Variants in KDM4C observed in about 807,000 individuals in gnomAD.
KDM4C encodes lysine demethylase 4C.
KDM4C carries 81 observed loss-of-function variants against 129.3 expected under a neutral mutation model. That is an observed-to-expected ratio of 0.63 (90% CI 0.52 to 0.75). The LOEUF is 0.75. KDM4C is among the 30% of genes least tolerant of loss of function. The probability of loss-of-function intolerance (pLI) is 0.00; values close to 1 mark genes in which losing one functional copy is unlikely to be tolerated. For missense variants in KDM4C, 1,457 were observed against 1,304.0 expected (o/e 1.12, Z -1.81); for synonymous variants, 573 against 456.1 (o/e 1.26, Z -3.26).
chr9:6,721,905 A>G (rs1410060965), intron 1 of KDM4C, among the ~76,000 whole-genome samples: 1 of 151,734 alleles, frequency 6.6e-6, no homozygotes, highest in African/African-American at 2.4e-5. Flanking sequence ...TAATTTTTGT[A>G]GAGATTGGGT....
At chr9:6,994,968 A>G (rs1350114885) in intron 12 of KDM4C, among the ~76,000 whole-genome samples, 2 of 152,052 alleles carry the variant, frequency 1.3e-5, no homozygotes, top group Admixed American at 6.5e-5. Flanking sequence ...GAGCTGTGAC[A>G]TTACGTTGGG....
intron 17 of KDM4C, chr9:7,076,638 G>T (rs575504927): frequency 7.5e-7 from 1 of 1,336,310 alleles, no homozygotes; most frequent in Non-Finnish European, 9.6e-7. Context: ...TCAGACCCTG[G>T]ACTTTCCCTT....
In KDM4C at chr9:6,851,548, A is replaced by T. The variant is rs866025714; in HGVS notation, c.629+1848A>T. On this transcript the variant is annotated intron_variant, in intron 5 of 21. Coordinates refer to ENST00000381309, the MANE Select transcript of KDM4C (RefSeq NM_015061.6). The stretch of plus-strand genomic sequence containing the variant: ...TGGGTGAATTCAACATGTTAATAAA[A>T]TCTAGTATGTAGGCAACTACATACT... Among the ~76,000 whole-genome samples the T allele has an allele frequency of 3.3e-4, 50 of 152,274 alleles. No homozygotes were observed. In the Middle Eastern group the frequency reaches 0.02, roughly 62 times the overall value.
At chr9:7,104,028 A>T in intron 18 of KDM4C, 158 bp downstream of exon 18, 1 of 644,200 alleles carries the variant, frequency 1.6e-6, no homozygotes, top group Non-Finnish European at 2.7e-6. Context: ...GCGCACTGTT[A>T]TTTCCTGGTA....
intron 8 of KDM4C, among the ~76,000 whole-genome samples, chr9:6,933,146 T>C (rs915656744): frequency 5.9e-5 from 9 of 152,244 alleles, no homozygotes; most frequent in African/African-American, 2.2e-4. Context: ...AAATAGACTA[T>C]AGCATAAATT....
At chr9:6,732,698 G>C (rs1817391223) in intron 1 of KDM4C, among the ~76,000 whole-genome samples, 1 of 152,064 alleles carries the variant, frequency 6.6e-6, no homozygotes, top group African/African-American at 2.4e-5. Flanking sequence ...ATTGTAAAAT[G>C]GCAGAGACCA....
At chr9:6,908,003 G>T (rs961309669) in intron 8 of KDM4C, among the ~76,000 whole-genome samples, 3 of 152,016 alleles carry the variant, frequency 2.0e-5, no homozygotes, top group African/African-American at 7.2e-5. Context: ...TTTTTTTCCT[G>T]CAAAGTCCTT....
intron 1 of KDM4C, among the ~76,000 whole-genome samples, chr9:6,742,301 A>C (rs755077562): frequency 6.6e-6 from 1 of 152,182 alleles, no homozygotes; most frequent in South Asian, 2.1e-4. Flanking sequence ...TGGGCAATAC[A>C]TTATCTTTCC....
chr9:7,121,905 A>T (rs1036835909), intron 18 of KDM4C, among the ~76,000 whole-genome samples: 1 of 150,204 alleles, frequency 6.7e-6, no homozygotes, highest in Non-Finnish European at 1.5e-5. Context: ...ATGTTTTTCT[A>T]TGTTTACTTC....
intron 17 of KDM4C, chr9:7,076,799 C>A: frequency 9.6e-7 from 1 of 1,043,928 alleles, no homozygotes; most frequent in Non-Finnish European, 1.2e-6. Flanking sequence ...GTGATTTAGT[C>A]CAACGTGTCC....
At chr9:6,930,376 G>A (rs1823445635) in intron 8 of KDM4C, among the ~76,000 whole-genome samples, 3 of 151,922 alleles carry the variant, frequency 2.0e-5, no homozygotes, top group Admixed American at 6.6e-5. Flanking sequence ...ATTTTGTAAT[G>A]AGCACCTAAT....
At chr9:7,057,995 A>G (rs10739114) in intron 17 of KDM4C, among the ~76,000 whole-genome samples, 117,854 of 152,178 alleles carry the variant, frequency 0.77, 45,837 homozygotes, top group African/African-American at 0.82. Context: ...AGTCTTCAGC[A>G]GTTTGGGGCC....
At chr9:6,962,535 AT>A in intron 8 of KDM4C, among the ~76,000 whole-genome samples, 1 of 152,334 alleles carries the variant, frequency 6.6e-6, no homozygotes, top group Non-Finnish European at 1.5e-5. Flanking sequence ...GTATGATTTT[AT>A]TAAAGGAACA....
chr9:6,841,675 C>A (rs566100770), intron 4 of KDM4C, among the ~76,000 whole-genome samples: 1 of 152,200 alleles, frequency 6.6e-6, no homozygotes, highest in Admixed American at 6.5e-5. Flanking sequence ...GCTGCTTCCA[C>A]AGTCTCCGTG....
chr9:6,822,793 C>G lies in KDM4C; in HGVS notation c.435+8048C>G, dbSNP rs1833252582. 2.0e-5 allele frequency among the ~76,000 whole-genome samples: 3 copies of G among 152,348 alleles called. No individual in the cohort carries two copies. In the South Asian group the frequency reaches 6.2e-4, roughly 32 times the overall value. ...AGATTTGGCTAAAGGACCTGCAAGT[C>G]AGCAGATGTCTGTAGAAAAGACAGA... On this transcript the variant is annotated intron_variant, in intron 4 of 21. Transcript: ENST00000381309.
At chr9:6,764,652 C>G (rs959566918) in intron 1 of KDM4C, among the ~76,000 whole-genome samples, 1 of 152,192 alleles carries the variant, frequency 6.6e-6, no homozygotes, top group East Asian at 1.9e-4. Context: ...ATTTCAGCTA[C>G]TATGGTATTT....
chr9:6,924,699 A>G, intron 8 of KDM4C: 2 of 927,886 alleles, frequency 2.2e-6, no homozygotes, highest in Non-Finnish European at 2.6e-6. Context: ...CCGATGCATA[A>G]TGTGTCATCC....
intron 15 of KDM4C, among the ~76,000 whole-genome samples, chr9:7,032,366 A>G (rs1019896317): frequency 1.3e-5 from 2 of 152,182 alleles, no homozygotes; most frequent in Non-Finnish European, 2.9e-5. Flanking sequence ...CACAACCTTT[A>G]TTACCCCTGT....
At chr9:7,143,625 C>T (rs1286832859) in intron 19 of KDM4C, among the ~76,000 whole-genome samples, 1 of 152,152 alleles carries the variant, frequency 6.6e-6, no homozygotes, top group Non-Finnish European at 1.5e-5. Context: ...TATTTTCATT[C>T]TCCTTGCCTG....
Sources: allele counts gnomAD v4.1 joint callset (sites outside exome capture counted in the v4.1 genomes callset), GRCh38; gene constraint gnomAD v4.1.1; transcripts MANE v1.5; gene names NCBI Gene and HGNC (gene_info 2026-07-23, HGNC 2026-07-21).